The following AXIN1 variants were observed in gnomAD, a reference collection of about 807,000 sequenced individuals.
AXIN1 encodes the protein axin 1.
Under a neutral mutation model 76.4 loss-of-function variants are expected in AXIN1, and 30 were observed. The ratio of observed to expected loss-of-function variants is 0.39; its 90% CI spans 0.29 to 0.53. The LOEUF is 0.53. Ranked by LOEUF, AXIN1 falls within the 20% of genes least tolerant of loss-of-function variation. AXIN1 has a pLI of 0.66. For missense variants in AXIN1, 1,140 were observed against 1,198.8 expected, an observed-to-expected ratio of 0.95 and a Z score of 0.72; for synonymous variants, 545 against 501.4, an observed-to-expected ratio of 1.09 and a Z score of -1.16.
At chr16:296,066 G>C (rs2052703641) in intron 7 of AXIN1, among the ~76,000 whole-genome samples, 1 of 152,206 alleles carries the variant, frequency 6.6e-6, no homozygotes, top group Non-Finnish European at 1.5e-5. Context: ...AAAAGCTTGA[G>C]ACCCAGCTGG....
intron 2 of AXIN1, among the ~76,000 whole-genome samples, chr16:318,640 G>C (rs1046909619): frequency 6.6e-6 from 1 of 152,222 alleles, no homozygotes; most frequent in African/African-American, 2.4e-5. Context: ...ATCCAGTGGC[G>C]GGAGGGGCAT....
At chr16:298,405 G>A (rs2052778782) in intron 5 of AXIN1, among the ~76,000 whole-genome samples, 154 bp from the exon 6 acceptor site, 1 of 152,272 alleles carries the variant, frequency 6.6e-6, no homozygotes, top group African/African-American at 2.4e-5. Context: ...CCCTGAGGAT[G>A]GAGAGGCAGG....
chr16:310,080 G>GA lies in AXIN1; in HGVS notation c.1020-12dup, dbSNP rs1414738850. Reference sequence around the variant, plus strand: ...GGGGGGATCCCATCCCTGTCCAGGAGAAAGAGGCAGCCGTTAACTCAGAGA... The same window carrying GA: ...GGGGGGATCCCATCCCTGTCCAGGAGAAAAGAGGCAGCCGTTAACTCAGAGA... On this transcript the variant is annotated splice_polypyrimidine_tract_variant and intron_variant, in intron 3 of 10. Transcript: ENST00000262320. 2 of 1,602,308 alleles carry GA rather than the reference G, an allele frequency of 1.2e-6. No homozygotes were observed. Among genetic ancestry groups the GA allele is most frequent in the African/African-American group, 1.3e-5 (1 of 74,742 alleles).
At chr16:342,189 C>G (rs1243106145) in intron 2 of AXIN1, among the ~76,000 whole-genome samples, 1 of 150,922 alleles carries the variant, frequency 6.6e-6, no homozygotes, top group Non-Finnish European at 1.5e-5. Flanking sequence ...AGCTGTAACA[C>G]TCACCGCGAA....
At chr16:341,627 G>A (rs1053176761) in intron 2 of AXIN1, among the ~76,000 whole-genome samples, 9 of 152,372 alleles carry the variant, frequency 5.9e-5, no homozygotes, top group Non-Finnish European at 1.0e-4. Context: ...TGAGGAGTGC[G>A]GGCGCACGGC....
chr16:295,243 T>G (rs966231969), intron 7 of AXIN1, among the ~76,000 whole-genome samples: 1 of 151,628 alleles, frequency 6.6e-6, no homozygotes, highest in African/African-American at 2.4e-5. Flanking sequence ...TAGCTGGGAT[T>G]ACTGGCACTC....
chr16:313,787 CCAG>C (rs2053237773), intron 3 of AXIN1, among the ~76,000 whole-genome samples: 1 of 152,246 alleles, frequency 6.6e-6, no homozygotes, highest in African/African-American at 2.4e-5. Flanking sequence ...TCCCAAAAAG[CCAG>C]CTGCGAAGCA....
intron 2 of AXIN1, among the ~76,000 whole-genome samples, chr16:325,996 G>A (rs986758908): frequency 1.3e-5 from 2 of 151,846 alleles, no homozygotes; most frequent in African/African-American, 4.8e-5. Flanking sequence ...GAGAGGTCTC[G>A]CTTCTGTTTT....
chr16:303,286 C>T (rs545385086), intron 5 of AXIN1, among the ~76,000 whole-genome samples: 10 of 152,206 alleles, frequency 6.6e-5, no homozygotes, highest in Middle Eastern at 6.8e-3. Context: ...CCATTTGCAG[C>T]GGGGAGGAGC....
At chr16:328,393 T>TA (rs993852132) in intron 2 of AXIN1, among the ~76,000 whole-genome samples, 18 of 150,716 alleles carry the variant, frequency 1.2e-4, no homozygotes, top group Admixed American at 2.0e-4. Context: ...ACTCTGTCAC[T>TA]AAAAAAAATA....
At chr16:339,412 G>A (rs2053870636) in intron 2 of AXIN1, among the ~76,000 whole-genome samples, 1 of 142,660 alleles carries the variant, frequency 7.0e-6, no homozygotes, top group Non-Finnish European at 1.5e-5. Context: ...TGAGGAGGCT[G>A]AGGCAGGAGA....
At position 293,453 on chromosome 16, in the gene AXIN1, C is replaced by T. The variant is rs772766863; in HGVS notation, c.2186+35G>A. 3.8e-6 allele frequency: 6 copies of T among 1,597,392 alleles called. No individual in the cohort carries two copies. The highest frequency in any genetic ancestry group is 1.7e-5 in the Admixed American group (1 of 59,834). On this transcript the variant is annotated intron_variant, in intron 8 of 10. Transcript: ENST00000262320. This position sits in a 1 kb window ranked among gnomAD's most constrained non-coding sequence, Gnocchi z 4.6. ...CCCCAGGAGTGGTGCTGTGGTAACC[C>T]CCAAGACCCACCCCACCCCACGACG...
intron 6 of AXIN1, 97 bp from the exon 7 acceptor site, chr16:297,323 C>G (rs1253963418): frequency 3.3e-6 from 5 of 1,532,164 alleles, no homozygotes; most frequent in Non-Finnish European, 4.4e-6. Context: ...CTGTAAGGCT[C>G]CCGTGGTGCA....
At chr16:289,387 T>C (rs1483800991) in intron 10 of AXIN1, 53 bp downstream of exon 10, 21 of 1,607,460 alleles carry the variant, frequency 1.3e-5, no homozygotes, top group East Asian at 2.2e-5. Flanking sequence ...TTTCATACCG[T>C]TGGGCACCCA....
At chr16:291,048 C>T (rs2052543172) in intron 9 of AXIN1, 142 bp downstream of exon 9, 1 of 780,070 alleles carries the variant, frequency 1.3e-6, no homozygotes, top group Non-Finnish European at 2.2e-6. Flanking sequence ...AGTCTGATGC[C>T]ACGGGACCCT....
At chr16:290,843 G>GGGACC (rs1267561044) in intron 9 of AXIN1, 1 of 412,962 alleles carries the variant, frequency 2.4e-6, no homozygotes, top group East Asian at 5.2e-5. Context: ...AGGCCTGGCA[G>GGGACC]GGACCGGCCC....
chr16:303,269 G>A (rs969453060), intron 5 of AXIN1, among the ~76,000 whole-genome samples: 1 of 152,174 alleles, frequency 6.6e-6, no homozygotes, highest in Non-Finnish European at 1.5e-5. Flanking sequence ...AGCCACAGAA[G>A]TCTGCACCAT....
chr16:326,370 A>T (rs199961862), intron 2 of AXIN1, among the ~76,000 whole-genome samples: 236 of 92,844 alleles, frequency 2.5e-3, no homozygotes, highest in South Asian at 0.012. Context: ...AAAAAAAAAA[A>T]AAATATATAT....
At chr16:313,387 G>A (rs1170081505) in intron 3 of AXIN1, among the ~76,000 whole-genome samples, 1 of 152,244 alleles carries the variant, frequency 6.6e-6, no homozygotes, top group Non-Finnish European at 1.5e-5. Flanking sequence ...TCACCAGTAG[G>A]TGAGAAGTCC....
Sources: allele counts gnomAD v4.1 joint callset (sites outside exome capture counted in the v4.1 genomes callset), GRCh38; gene constraint gnomAD v4.1.1; non-coding constraint Gnocchi (gnomAD v3.1); transcripts MANE v1.5; gene names NCBI Gene and HGNC (gene_info 2026-07-23, HGNC 2026-07-21).